Variants in MTMR8 observed in about 807,000 individuals in gnomAD.
The protein encoded by MTMR8 is phosphatidylinositol-3,5-bisphosphate 3-phosphatase MTMR8.
MTMR8 carries 65 observed loss-of-function variants against 39.3 expected under a neutral mutation model. The ratio of observed to expected loss-of-function variants is 1.65; its 90% CI spans 1.35 to 2.03. The LOEUF (loss-of-function observed/expected upper bound fraction) is 2.03. MTMR8 is among the 30% of genes most tolerant of loss of function. The pLI, the probability that MTMR8 is intolerant of heterozygous loss-of-function variation, is 0.00. For synonymous variants in MTMR8, 245 were observed against 185.2 expected (o/e 1.32, Z -2.62); for missense variants, 777 against 538.9 (o/e 1.44, Z -4.37).
intron 9 of MTMR8, among the ~76,000 whole-genome samples, chrX:64,336,495 T>TA (rs757634283): frequency 0.087 from 8,411 of 96,816 alleles, 660 homozygotes; most frequent in African/African-American, 0.23. Flanking sequence ...TTTTAACCAT[T>TA]AAAAAAAAAA....
intron 1 of MTMR8, among the ~76,000 whole-genome samples, chrX:64,362,581 A>T (rs758207616): frequency 1.9e-5 from 2 of 108,015 alleles, no homozygotes; most frequent in African/African-American, 6.8e-5. Flanking sequence ...TAGAGCATAA[A>T]CATGGCACTA....
chrX:64,310,604 A>G (rs1202932939), intron 12 of MTMR8, among the ~76,000 whole-genome samples: 3 of 110,482 alleles, frequency 2.7e-5, no homozygotes, highest in Non-Finnish European at 3.8e-5. Context: ...GCACCCATCA[A>G]CTCGTCATTT....
At chrX:64,373,440 A>T (rs1924180430) in intron 1 of MTMR8, among the ~76,000 whole-genome samples, 1 of 111,553 alleles carries the variant, frequency 9.0e-6, no homozygotes, top group Non-Finnish European at 1.9e-5. Context: ...CAGCCATTTG[A>T]AAATAAACCT....
At chrX:64,295,512 A>G (rs1408491147) in intron 12 of MTMR8, among the ~76,000 whole-genome samples, 1 of 111,576 alleles carries the variant, frequency 9.0e-6, no homozygotes, top group African/African-American at 3.3e-5. Flanking sequence ...TACTATCAAG[A>G]GAATAAAAAG....
At chrX:64,300,738 C>T (rs1167931330) in intron 12 of MTMR8, among the ~76,000 whole-genome samples, 13 of 104,102 alleles carry the variant, frequency 1.2e-4, no homozygotes, top group African/African-American at 1.4e-4. Flanking sequence ...CCATGTTTAG[C>T]GCTTCCTTCA....
intron 12 of MTMR8, among the ~76,000 whole-genome samples, chrX:64,284,507 C>A (rs904312924): frequency 9.0e-6 from 1 of 111,102 alleles, no homozygotes; most frequent in Non-Finnish European, 1.9e-5. Flanking sequence ...AGAGCAATTC[C>A]AAGACACATA....
chrX:64,274,068 A>G (rs1169666665), intron 12 of MTMR8, among the ~76,000 whole-genome samples: 6 of 111,738 alleles, frequency 5.4e-5, no homozygotes, highest in Non-Finnish European at 3.8e-5. Context: ...AAATCAAAAA[A>G]CAAATAGCAG....
At chrX:64,312,255 C>A (rs1005820691) in intron 12 of MTMR8, among the ~76,000 whole-genome samples, 5 of 111,597 alleles carry the variant, frequency 4.5e-5, no homozygotes, top group African/African-American at 1.6e-4. Context: ...ATTTTATTCT[C>A]TTTGTAGCAA....
chrX:64,389,423 G>C (rs1262604726), intron 1 of MTMR8, among the ~76,000 whole-genome samples: 5 of 111,960 alleles, frequency 4.5e-5, no homozygotes, highest in Admixed American at 2.8e-4. Context: ...TATCTAAAAA[G>C]ACACAACCCT....
chrX:64,376,887 G>A (rs2147243776), intron 1 of MTMR8, among the ~76,000 whole-genome samples: 1 of 112,101 alleles, frequency 8.9e-6, no homozygotes, highest in South Asian at 3.8e-4. Flanking sequence ...AGGTTTTGTG[G>A]TCTGGGCCCA....
intron 12 of MTMR8, among the ~76,000 whole-genome samples, chrX:64,282,377 G>A (rs1460191882): frequency 9.0e-6 from 1 of 111,273 alleles, no homozygotes; most frequent in Non-Finnish European, 1.9e-5. Flanking sequence ...GTGGGGGTAG[G>A]GAGAGCATCA....
intron 12 of MTMR8, among the ~76,000 whole-genome samples, chrX:64,315,167 C>T (rs1922428825): frequency 8.9e-6 from 1 of 112,167 alleles, no homozygotes; most frequent in Non-Finnish European, 1.9e-5. Context: ...AAACTTCTCT[C>T]CCTGCCAACT....
At chrX:64,367,731 T>G (rs1243327288) in intron 1 of MTMR8, among the ~76,000 whole-genome samples, 1 of 111,784 alleles carries the variant, frequency 8.9e-6, no homozygotes, top group Admixed American at 9.5e-5. Context: ...ACCACTCCTA[T>G]TCAACATAGT....
intron 12 of MTMR8, among the ~76,000 whole-genome samples, chrX:64,319,757 G>A (rs1301535308): frequency 1.8e-5 from 2 of 110,776 alleles, no homozygotes; most frequent in Admixed American, 9.6e-5. Flanking sequence ...TGTTCCATTG[G>A]TCTATATCTC....
At chrX:64,318,253 G>C (rs1287965089) in intron 12 of MTMR8, among the ~76,000 whole-genome samples, 1 of 112,367 alleles carries the variant, frequency 8.9e-6, no homozygotes, top group Non-Finnish European at 1.9e-5. Context: ...TGGGTATTTT[G>C]TGATAGCTTG....
intron 12 of MTMR8, among the ~76,000 whole-genome samples, chrX:64,285,325 A>C (rs1243800970): frequency 9.0e-6 from 1 of 111,637 alleles, no homozygotes; most frequent in Non-Finnish European, 1.9e-5. Flanking sequence ...TCATAAAGCA[A>C]GTCCTTAGAG....
intron 12 of MTMR8, among the ~76,000 whole-genome samples, chrX:64,326,159 T>G (rs1403047124): frequency 2.7e-5 from 3 of 111,702 alleles, no homozygotes; most frequent in Non-Finnish European, 3.8e-5. Flanking sequence ...TACATCTTTA[T>G]CATCTTTGTG....
Position 64,356,857 on chromosome X carries a change from T to A in MTMR8, c.148-519A>T, listed in dbSNP as rs1447153989. Among the ~76,000 whole-genome samples, 3 of 110,495 alleles carry A rather than the reference T, an allele frequency of 2.7e-5. No homozygotes were observed. The Admixed American group carries it at 2.9e-4, about 11-fold the overall frequency. ...AAAAAACAAAGCTCTGAGAAGTGAA[T>A]TCCTCATCAGATATCATATAGCCAA... On this transcript the variant is annotated intron_variant, in intron 2 of 13. Coordinates refer to ENST00000374852, the MANE Select transcript of MTMR8 (RefSeq NM_017677.4).
At position 64,361,720 on chromosome X, in the gene MTMR8, T is replaced by A. The variant is rs990403804; in HGVS notation, c.25-2193A>T. On this transcript the variant is annotated intron_variant, in intron 1 of 13. Transcript: ENST00000374852. ...TTATATACAAAAAACCTACAAAGTATGTTATGAATAATGAAGAAACTAACT... is the reference window on the plus strand; with the variant it reads ...TTATATACAAAAAACCTACAAAGTAAGTTATGAATAATGAAGAAACTAACT... Among the ~76,000 whole-genome samples, 3 of 111,644 alleles carry A rather than the reference T, an allele frequency of 2.7e-5. No individual in the cohort carries two copies. In the South Asian group the frequency reaches 1.1e-3, roughly 41 times the overall value.
Sources: allele counts gnomAD v4.1 joint callset (sites outside exome capture counted in the v4.1 genomes callset), GRCh38; gene constraint gnomAD v4.1.1; transcripts MANE v1.5; gene names NCBI Gene and HGNC (gene_info 2026-07-23, HGNC 2026-07-21).